PEX14: variants seen among roughly 807,000 people sequenced by gnomAD.
The protein encoded by PEX14 is peroxisomal membrane protein PEX14.
A neutral mutation model predicts 49.5 loss-of-function variants in PEX14; 15 were observed. That is an observed-to-expected ratio of 0.30 (90% CI 0.20 to 0.47). PEX14 has a LOEUF of 0.47. Ranked by LOEUF, PEX14 falls within the 20% of genes least tolerant of loss-of-function variation. The pLI is 1.00. For missense variants in PEX14, 398 were observed against 494.8 expected (o/e 0.80, Z 1.86); for synonymous variants, 210 against 212.7 (o/e 0.99, Z 0.11).
At chr1:10,548,818 A>G (rs890275832) in intron 3 of PEX14, among the ~76,000 whole-genome samples, 2 of 152,204 alleles carry the variant, frequency 1.3e-5, no homozygotes, top group Non-Finnish European at 2.9e-5. Flanking sequence ...AGAATTGAAC[A>G]ACTCTACTAA....
intron 4 of PEX14, among the ~76,000 whole-genome samples, chr1:10,604,575 C>T (rs759235492): frequency 9.9e-5 from 15 of 152,110 alleles, no homozygotes; most frequent in Non-Finnish European, 1.3e-4. Context: ...TGTACCCCTG[C>T]ACTCCAGCCT....
At chr1:10,595,778 C>T (rs1640817131) in intron 3 of PEX14, among the ~76,000 whole-genome samples, 2 of 152,138 alleles carry the variant, frequency 1.3e-5, no homozygotes, top group African/African-American at 2.4e-5. Context: ...AAGGAAGTGT[C>T]TGTGTCTAAT....
chr1:10,586,369 G>A (rs887395906), intron 3 of PEX14, among the ~76,000 whole-genome samples: 4 of 152,144 alleles, frequency 2.6e-5, no homozygotes, highest in Non-Finnish European at 5.9e-5. Flanking sequence ...TGGTGGGAGT[G>A]TGAATTGCTG....
chr1:10,563,481 T>C (rs1217060971), intron 3 of PEX14, among the ~76,000 whole-genome samples: 1 of 152,010 alleles, frequency 6.6e-6, no homozygotes, highest in African/African-American at 2.4e-5. Context: ...ATGCCAGGCA[T>C]GTGCTGGGCA....
chr1:10,489,784 G>C (rs1465837201), intron 1 of PEX14, among the ~76,000 whole-genome samples: 2 of 152,184 alleles, frequency 1.3e-5, no homozygotes, highest in Non-Finnish European at 2.9e-5. Context: ...CTCTGCTGGG[G>C]ATCCCCGTCT....
chr1:10,547,919 T>A (rs1326846594), intron 3 of PEX14, among the ~76,000 whole-genome samples: 2 of 152,180 alleles, frequency 1.3e-5, no homozygotes, highest in African/African-American at 4.8e-5. Flanking sequence ...CGAGATGATT[T>A]TAAGAAAACT....
intron 7 of PEX14, among the ~76,000 whole-genome samples, chr1:10,624,876 A>T (rs534393431): frequency 6.6e-6 from 1 of 152,224 alleles, no homozygotes; most frequent in East Asian, 1.9e-4. Flanking sequence ...CACCAGCCCC[A>T]TCCACACCGC....
At chr1:10,528,117 C>G (rs577501744) in intron 2 of PEX14, 1 of 154,154 alleles carries the variant, frequency 6.5e-6, no homozygotes, top group Admixed American at 6.5e-5. Flanking sequence ...GCCCTAAGCC[C>G]TTGAGGGGGA....
chr1:10,482,498 A>G (rs1167650284), intron 1 of PEX14, among the ~76,000 whole-genome samples: 9 of 149,386 alleles, frequency 6.0e-5, no homozygotes, highest in Non-Finnish European at 1.2e-4. Flanking sequence ...CAGTGGCGCA[A>G]TCTCAGCTCA....
At chr1:10,566,391 T>G (rs1639804395) in intron 3 of PEX14, among the ~76,000 whole-genome samples, 1 of 152,262 alleles carries the variant, frequency 6.6e-6, no homozygotes, top group African/African-American at 2.4e-5. Flanking sequence ...GGATTTGTGT[T>G]ACAAATATAT....
At chr1:10,557,520 A>T (rs1369941683) in intron 3 of PEX14, among the ~76,000 whole-genome samples, 1 of 152,194 alleles carries the variant, frequency 6.6e-6, no homozygotes, top group Non-Finnish European at 1.5e-5. Context: ...CTGGAGGTGG[A>T]GTTTGCAGTG....
chr1:10,608,188 AC>A (rs1641176958), intron 4 of PEX14, among the ~76,000 whole-genome samples: 1 of 152,182 alleles, frequency 6.6e-6, no homozygotes, highest in African/African-American at 2.4e-5. Context: ...GGCATGAGCC[AC>A]TGCACCCAGT....
In PEX14 at chr1:10,529,672, G is replaced by A. The variant is rs1638588720; in HGVS notation, c.85-6541G>A. On this transcript the variant is annotated intron_variant, in intron 2 of 8. Transcript: ENST00000356607. The surrounding 1 kb of genome is among the most constrained non-coding windows in gnomAD (Gnocchi z 4.2). ...AGGCTTTTACTACATATATCAATGA[G>A]TTTTAAGAGAGACTAGGGTCAATAA... 6.6e-6 allele frequency among the ~76,000 whole-genome samples: 1 copy of A among 152,200 alleles called. No individual in the cohort carries two copies. Among genetic ancestry groups the A allele is most frequent in the South Asian group, 2.1e-4 (1 of 4,830 alleles).
intron 1 of PEX14, among the ~76,000 whole-genome samples, chr1:10,489,045 A>T (rs767959009): frequency 3.9e-5 from 6 of 152,028 alleles, no homozygotes; most frequent in Non-Finnish European, 8.8e-5. Context: ...CAATGGCGCG[A>T]TCTCGGCTCA....
At chr1:10,481,480 C>CT (rs1422939900) in intron 1 of PEX14, among the ~76,000 whole-genome samples, 3 of 151,984 alleles carry the variant, frequency 2.0e-5, no homozygotes, top group African/African-American at 7.2e-5. Context: ...CTTACTCTGT[C>CT]ACCCAGTCTG....
chr1:10,476,106 A>G (rs1278154329), intron 1 of PEX14, among the ~76,000 whole-genome samples: 1 of 152,170 alleles, frequency 6.6e-6, no homozygotes, highest in Non-Finnish European at 1.5e-5. Context: ...AAGCACCTCT[A>G]AGAGTTTTCA....
At chr1:10,571,399 T>A (rs1274222678) in intron 3 of PEX14, among the ~76,000 whole-genome samples, 1 of 152,094 alleles carries the variant, frequency 6.6e-6, no homozygotes. Flanking sequence ...TAGGGTTTTC[T>A]TGTTTATGAT....
chr1:10,624,629 T>C (rs1641692970), intron 7 of PEX14, among the ~76,000 whole-genome samples, 192 bp downstream of exon 7: 1 of 152,188 alleles, frequency 6.6e-6, no homozygotes, highest in African/African-American at 2.4e-5. Flanking sequence ...GGGCAGTCAG[T>C]GTGACGTTTA....
At chr1:10,547,423 C>G (rs1639208682) in intron 3 of PEX14, among the ~76,000 whole-genome samples, 1 of 152,144 alleles carries the variant, frequency 6.6e-6, no homozygotes, top group South Asian at 2.1e-4. Context: ...TGGAGGGAAG[C>G]ATTTTGTGCA....
Sources: gnomAD v4.1 joint callset for allele counts (sites outside exome capture counted in the v4.1 genomes callset) on GRCh38, gnomAD v4.1.1 for gene constraint, Gnocchi (gnomAD v3.1) non-coding constraint, MANE v1.5 for transcripts, NCBI Gene and HGNC (gene_info 2026-07-23, HGNC 2026-07-21) for gene names.